LGALS1: variants seen among roughly 807,000 people sequenced by gnomAD.
The protein encoded by LGALS1 is galectin 1.
In LGALS1, 14 loss-of-function variants were observed where a neutral mutation model predicts 14.4. That is an observed-to-expected ratio of 0.97 (90% confidence interval 0.64 to 1.52). LGALS1 has a LOEUF of 1.52. Ranked by LOEUF, LGALS1 falls within the 40% of genes most tolerant of loss-of-function variation. The pLI is 0.00. For synonymous variants in LGALS1, 71 were observed against 73.4 expected, an observed-to-expected ratio of 0.97 and a Z score of 0.17; for missense variants, 170 against 181.4, an observed-to-expected ratio of 0.94 and a Z score of 0.36.
chr22:37,679,640 A>C lies in LGALS1; in HGVS notation c.299A>C (p.Lys100Thr). 6.2e-7 allele frequency: 1 copy of C among 1,609,352 alleles called. No individual in the cohort carries two copies. Among genetic ancestry groups the C allele is most frequent in the Non-Finnish European group, 8.5e-7 (1 of 1,178,380 alleles). ...ITFDQANLTV[K>T]LPDGYEFKFP... is the part of the protein sequence containing the mutation. Reference sequence around the variant, plus strand: ...TTCGACCAGGCCAACCTGACCGTCAAGCTGCCAGATGGATACGAATTCAAG... The same window carrying C: ...TTCGACCAGGCCAACCTGACCGTCACGCTGCCAGATGGATACGAATTCAAG... The change falls in exon 4 of 4, where the codon AAG becomes ACG. Residue 100 changes from lysine to threonine, a missense_variant. By Grantham distance (78) the Lys-to-Thr change is moderately conservative. Transcript: ENST00000215909.
chr22:37,677,896 G>A (rs529494707), intron 2 of LGALS1, among the ~76,000 whole-genome samples: 5 of 151,944 alleles, frequency 3.3e-5, no homozygotes, highest in South Asian at 4.2e-4. Flanking sequence ...ACGATTCTCC[G>A]GCTTCAGCCT....
rs775129596 is a variant in LGALS1, at chr22:37,676,991, G to C, written c.15G>C (p.Leu5=). MACG[L]VASNLNLKPG... is the part of the protein sequence containing the mutation. The stretch of plus-strand genomic sequence containing the variant: ...GCCGGGGCTTGTCTGTGCAGGGTCT[G>C]GTCGCCAGCAACCTGAATCTCAAAC... Residue 5 remains leucine, a synonymous_variant, in exon 2 of 4, where the codon CTG becomes CTC. Transcript: ENST00000215909. The C allele has an allele frequency of 1.2e-6, 2 of 1,614,140 alleles. No individual in the cohort carries two copies. Among genetic ancestry groups the C allele is most frequent in the Non-Finnish European group, 8.5e-7 (1 of 1,180,036 alleles).
At chr22:37,678,689 GGGGCTGGGT>G (rs1306403381) in intron 3 of LGALS1, 35 bp downstream of exon 3, 7 of 1,509,208 alleles carry the variant, frequency 4.6e-6, no homozygotes, top group African/African-American at 2.8e-5. Flanking sequence ...ACCAGGGACA[GGGGCTGGGT>G]GGGCTGGGGC....
intron 1 of LGALS1, 115 bp from the exon 2 acceptor site, chr22:37,676,871 G>A (rs574830233): frequency 1.2e-5 from 12 of 971,296 alleles, no homozygotes; most frequent in East Asian, 7.7e-5. Context: ...CCCTTGGCTT[G>A]GTCAGAGGAT....
chr22:37,677,305 A>G (rs1921467807), intron 2 of LGALS1: 3 of 541,324 alleles, frequency 5.5e-6, no homozygotes, highest in Non-Finnish European at 1.0e-5. Flanking sequence ...CAGCCTCGTC[A>G]TCTGTAATAC....
chr22:37,679,131 C>CAAAAA (rs66507477), intron 3 of LGALS1, among the ~76,000 whole-genome samples: 1 of 103,586 alleles, frequency 9.7e-6, no homozygotes, highest in African/African-American at 3.8e-5. Context: ...AACTCTGTCT[C>CAAAAA]AAAAAAAAAA....
intron 3 of LGALS1, 31 bp downstream of exon 3, chr22:37,678,685 G>C: frequency 1.9e-6 from 1 of 527,150 alleles, no homozygotes; most frequent in Non-Finnish European, 3.2e-6. Flanking sequence ...GGGGACCAGG[G>C]ACAGGGGCTG....
chr22:37,677,023 A>G lies in LGALS1; in HGVS notation c.47A>G (p.Glu16Gly), dbSNP rs11539852. Residue 16 changes from glutamate to glycine, a missense_variant, in exon 2 of 4, where the codon GAG becomes GGG. By Grantham distance (98) the Glu-to-Gly change is moderately conservative. Coordinates refer to ENST00000215909, the MANE Select transcript of LGALS1 (RefSeq NM_002305.4). ...VASNLNLKPG[E>G]CLRVRGEVAP... Reference sequence around the variant, plus strand: ...AGCAACCTGAATCTCAAACCTGGAGAGTGCCTTCGAGTGCGAGGCGAGGTG... The same window carrying G: ...AGCAACCTGAATCTCAAACCTGGAGGGTGCCTTCGAGTGCGAGGCGAGGTG... 1.2e-6 allele frequency: 2 copies of G among 1,614,040 alleles called. No individual in the cohort carries two copies. The highest frequency in any genetic ancestry group is 1.7e-6 in the Non-Finnish European group (2 of 1,179,998).
rs11539847 is a variant in LGALS1 at position 37,678,591 on chromosome 22, C to A, written c.198C>A (p.Gly66=). Residue 66 remains glycine (G), a synonymous_variant, in exon 3 of 4, where the codon GGC becomes GGA. Transcript: ENST00000215909. The part of the protein sequence containing the change: ...ANTIVCNSKD[G]GAWGTEQREA... ...CCATCGTGTGCAACAGCAAGGACGG[C>A]GGGGCCTGGGGGACCGAGCAGCGGG... is the stretch of plus-strand genomic sequence containing the variant. 6.5e-7 allele frequency: 1 copy of A among 1,536,088 alleles called. No individual in the cohort carries two copies. The highest frequency in any genetic ancestry group is 1.7e-5 in the Admixed American group (1 of 57,220).
At chr22:37,677,497 G>T (rs1360698244) in intron 2 of LGALS1, 2 of 184,150 alleles carry the variant, frequency 1.1e-5, no homozygotes, top group African/African-American at 4.8e-5. Flanking sequence ...CATTCACTCA[G>T]ACGGCTGCCT....
At chr22:37,678,744 C>A in intron 3 of LGALS1, 90 bp downstream of exon 3, 1 of 1,312,458 alleles carries the variant, frequency 7.6e-7, no homozygotes, top group Non-Finnish European at 1.0e-6. Context: ...TTGGCCCTGC[C>A]TGCTCTTTCC....
intron 1 of LGALS1, 149 bp from the exon 2 acceptor site, chr22:37,676,837 A>C: frequency 1.3e-6 from 1 of 783,286 alleles, no homozygotes; most frequent in South Asian, 1.5e-5. Context: ...TGGAAATTAC[A>C]GCTCAATCCT....
At chr22:37,677,532 T>C in intron 2 of LGALS1, 1 of 177,126 alleles carries the variant, frequency 5.6e-6, no homozygotes, top group South Asian at 1.0e-4. Context: ...TTAGGTGACC[T>C]TGGACCAGTC....
chr22:37,676,028 G>A, intron 1 of LGALS1: 1 of 293,884 alleles, frequency 3.4e-6, no homozygotes, highest in East Asian at 5.6e-5. Context: ...GGACACCCAG[G>A]CCACTATCCC....
chr22:37,679,043 A>G (rs1921540012), intron 3 of LGALS1, among the ~76,000 whole-genome samples: 1 of 151,372 alleles, frequency 6.6e-6, no homozygotes, highest in Non-Finnish European at 1.5e-5. Flanking sequence ...AGGCAGGAGA[A>G]TTGGTTGAAC....
At chr22:37,679,573 GC>G (rs1280333267) in intron 3 of LGALS1, 29 bp from the exon 4 acceptor site, 1 of 1,553,670 alleles carries the variant, frequency 6.4e-7, no homozygotes, top group Non-Finnish European at 8.7e-7. Context: ...TGGCATGTGG[GC>G]CCGGCTCACT....
In LGALS1 at chr22:37,679,788, T is replaced by C; in HGVS notation, c.*39T>C. 1.3e-6 allele frequency: 2 copies of C among 1,546,516 alleles called. No individual in the cohort carries two copies. The highest frequency in any genetic ancestry group is 1.2e-5 in the South Asian group (1 of 83,402). On this transcript the variant is annotated 3_prime_UTR_variant, in exon 4 of 4. Coordinates refer to ENST00000215909, the MANE Select transcript of LGALS1 (RefSeq NM_002305.4). ...ATGGCCCCCAATAAAGGCAGCTGCC[T>C]CTGCTCCCTCTGAACCAGCCTCGTG...
At chr22:37,675,790 A>T in intron 1 of LGALS1, 79 bp downstream of exon 1, 1 of 1,282,360 alleles carries the variant, frequency 7.8e-7, no homozygotes, top group South Asian at 1.6e-5. Flanking sequence ...GCAGATCGGG[A>T]GCAGATTCTA....
At chr22:37,678,461 A>G (rs1921515257) in intron 2 of LGALS1, 22 bp from the exon 3 acceptor site, 1 of 1,613,058 alleles carries the variant, frequency 6.2e-7, no homozygotes, top group Non-Finnish European at 8.5e-7. Context: ...AGGTGGCCTC[A>G]TGCCCACCCG....
Sources: gnomAD v4.1 joint callset for allele counts (sites outside exome capture counted in the v4.1 genomes callset) on GRCh38, gnomAD v4.1.1 for gene constraint, MANE v1.5 for transcripts, NCBI Gene and HGNC (gene_info 2026-07-23, HGNC 2026-07-21) for gene names.